Variants in MSRA observed in about 807,000 individuals in gnomAD.
MSRA encodes methionine sulfoxide reductase A, also known as mitochondrial peptide methionine sulfoxide reductase.
A neutral mutation model predicts 31.3 loss-of-function variants in MSRA; 54 were observed. That is an observed-to-expected ratio of 1.73 (90% CI 1.39 to 2.17). The LOEUF is 2.17. Among genes scored for constraint, MSRA ranks in the 30% most tolerant of loss-of-function variants. The probability of loss-of-function intolerance (pLI) is 0.00; values close to 1 mark genes in which losing one functional copy is unlikely to be tolerated. For missense variants in MSRA, 507 were observed against 300.9 expected, an observed-to-expected ratio of 1.69 and a Z score of -5.07; for synonymous variants, 169 against 116.5, an observed-to-expected ratio of 1.45 and a Z score of -2.90.
chr8:10,180,535 G>T (rs1006653069), intron 1 of MSRA, among the ~76,000 whole-genome samples: 1 of 152,092 alleles, frequency 6.6e-6, no homozygotes, highest in Admixed American at 6.5e-5. Flanking sequence ...TGGTTCCTCC[G>T]GGAGCCAGTC....
chr8:10,191,357 G>A (rs1378071026), intron 1 of MSRA, among the ~76,000 whole-genome samples: 1 of 152,036 alleles, frequency 6.6e-6, no homozygotes, highest in Non-Finnish European at 1.5e-5. Flanking sequence ...TTAGGCCTTT[G>A]GCATTAACTT....
intron 1 of MSRA, among the ~76,000 whole-genome samples, chr8:10,196,037 C>G (rs1585142032): frequency 1.3e-5 from 2 of 152,214 alleles, no homozygotes; most frequent in South Asian, 4.1e-4. Context: ...TCATTTATCA[C>G]TGTCAGAGAG....
At chr8:10,345,457 G>A (rs914787523) in intron 5 of MSRA, among the ~76,000 whole-genome samples, 3 of 152,090 alleles carry the variant, frequency 2.0e-5, no homozygotes, top group Admixed American at 6.6e-5. Flanking sequence ...AGCGATCCAA[G>A]GGTCCACCAT....
At chr8:10,417,772 G>GTGTGTGTGTGTGTGTC (rs1808567435) in intron 5 of MSRA, among the ~76,000 whole-genome samples, 3 of 151,144 alleles carry the variant, frequency 2.0e-5, no homozygotes, top group Non-Finnish European at 3.0e-5. Context: ...GTGTGTGTGT[G>GTGTGTGTGTGTGTGTC]TGTGTGTCTG....
At chr8:10,282,950 G>C (rs1201433213) in intron 3 of MSRA, among the ~76,000 whole-genome samples, 2 of 152,076 alleles carry the variant, frequency 1.3e-5, no homozygotes, top group African/African-American at 4.8e-5. Context: ...CCCAAATTTA[G>C]AGACCAGTCC....
At chr8:10,347,302 G>C (rs542098536) in intron 5 of MSRA, among the ~76,000 whole-genome samples, 4 of 152,040 alleles carry the variant, frequency 2.6e-5, no homozygotes, top group Non-Finnish European at 5.9e-5. Context: ...CCACTCCCTG[G>C]TCTGCATTTC....
At chr8:10,323,251 T>G (rs1262979326) in intron 5 of MSRA, among the ~76,000 whole-genome samples, 2 of 152,192 alleles carry the variant, frequency 1.3e-5, no homozygotes, top group Non-Finnish European at 2.9e-5. Context: ...TTCAATTGTT[T>G]CATCCCACTG....
intron 1 of MSRA, among the ~76,000 whole-genome samples, chr8:10,202,301 G>C (rs1808568481): frequency 1.3e-5 from 2 of 152,222 alleles, no homozygotes; most frequent in Non-Finnish European, 2.9e-5. Flanking sequence ...TAGGAATAGA[G>C]CTGGGGTCAT....
chr8:10,417,660 T>A (rs1350793614), intron 5 of MSRA, among the ~76,000 whole-genome samples: 2 of 151,580 alleles, frequency 1.3e-5, no homozygotes, highest in East Asian at 1.9e-4. Flanking sequence ...ATTTTTTTTT[T>A]AAAGTTTTGA....
intron 1 of MSRA, among the ~76,000 whole-genome samples, chr8:10,139,619 C>G (rs918347089): frequency 2.0e-5 from 3 of 152,220 alleles, no homozygotes; most frequent in Admixed American, 6.5e-5. Context: ...AACATACAGT[C>G]TTTGACTTTG....
At chr8:10,213,897 C>G (rs1000205658) in intron 2 of MSRA, among the ~76,000 whole-genome samples, 2 of 152,066 alleles carry the variant, frequency 1.3e-5, no homozygotes, top group African/African-American at 4.8e-5. Context: ...TGGGAACTCA[C>G]GTCCAGGCTT....
intron 3 of MSRA, among the ~76,000 whole-genome samples, chr8:10,271,304 A>C (rs997156357): frequency 6.6e-6 from 1 of 152,142 alleles, no homozygotes; most frequent in Non-Finnish European, 1.5e-5. Flanking sequence ...CAAACCCAGA[A>C]TTTGGGATAC....
chr8:10,333,058 A>G (rs1323019460), intron 5 of MSRA, among the ~76,000 whole-genome samples: 1 of 146,050 alleles, frequency 6.8e-6, no homozygotes, highest in Non-Finnish European at 1.5e-5. Context: ...TGATGGTGGA[A>G]GACAGCATTC....
chr8:10,369,250 T>TA (rs745787105), intron 5 of MSRA, among the ~76,000 whole-genome samples: 10,247 of 139,850 alleles, frequency 0.073, 659 homozygotes, highest in African/African-American at 0.17. Context: ...TAGAGTTCTT[T>TA]AAAAAAAAAA....
At chr8:10,212,172 G>C (rs1809560624) in intron 2 of MSRA, among the ~76,000 whole-genome samples, 1 of 151,512 alleles carries the variant, frequency 6.6e-6, no homozygotes, top group Non-Finnish European at 1.5e-5. Flanking sequence ...AGGTAACAGA[G>C]CGAGACTCTG....
intron 3 of MSRA, among the ~76,000 whole-genome samples, chr8:10,284,530 C>T (rs1799830617): frequency 6.6e-6 from 1 of 152,146 alleles, no homozygotes; most frequent in South Asian, 2.1e-4. Context: ...TTACAGAAAC[C>T]TTTAAAAAAG....
intron 1 of MSRA, among the ~76,000 whole-genome samples, chr8:10,058,463 A>T (rs544956272): frequency 6.6e-6 from 1 of 152,348 alleles, no homozygotes; most frequent in East Asian, 1.9e-4. Flanking sequence ...AGTAATCCAG[A>T]TTGACCCCAG....
At chr8:10,245,858 G>A (rs907966825) in intron 3 of MSRA, among the ~76,000 whole-genome samples, 2 of 152,244 alleles carry the variant, frequency 1.3e-5, no homozygotes, top group African/African-American at 2.4e-5. Flanking sequence ...GCCAATATGG[G>A]ATGGCTCCCC....
chr8:10,354,750 GTA>G (rs754778002), intron 5 of MSRA, among the ~76,000 whole-genome samples: 25,183 of 137,760 alleles, frequency 0.18, 2,667 homozygotes, highest in Non-Finnish European at 0.26. Context: ...GTGTGTGTGT[GTA>G]TATATATATA....
Sources: gnomAD v4.1 joint callset for allele counts (sites outside exome capture counted in the v4.1 genomes callset) on GRCh38, gnomAD v4.1.1 for gene constraint, MANE v1.5 for transcripts, NCBI Gene and HGNC (gene_info 2026-07-23, HGNC 2026-07-21) for gene names.